The following ATP9B variants were observed in gnomAD, a reference collection of about 807,000 sequenced individuals.
ATP9B encodes the protein probable phospholipid-transporting ATPase IIB.
In ATP9B, 110 loss-of-function variants were observed where a neutral mutation model predicts 146.1. The ratio of observed to expected loss-of-function variants is 0.75; its 90% CI spans 0.65 to 0.88. The LOEUF (loss-of-function observed/expected upper bound fraction) is 0.88. Among genes scored for constraint, ATP9B ranks in the 40% least tolerant of loss-of-function variants. The probability of loss-of-function intolerance (pLI) is 0.00; values close to 1 mark genes in which losing one functional copy is unlikely to be tolerated. For synonymous variants in ATP9B, 604 were observed against 569.7 expected (o/e 1.06, Z -0.86); for missense variants, 1,499 against 1,496.4 (o/e 1.00, Z -0.03).
intron 8 of ATP9B, among the ~76,000 whole-genome samples, chr18:79,182,947 A>T (rs2095267006): frequency 6.6e-6 from 1 of 152,204 alleles, no homozygotes; most frequent in Admixed American, 6.5e-5. Flanking sequence ...CCTGATTCTA[A>T]TAGTAATGTG....
intron 5 of ATP9B, among the ~76,000 whole-genome samples, chr18:79,133,059 T>C (rs1454396891): frequency 6.6e-6 from 1 of 152,204 alleles, no homozygotes. Flanking sequence ...TGTTTTTGTT[T>C]TGTTTTGTTT....
At position 79,277,476 on chromosome 18, in the gene ATP9B, G is replaced by GT. The variant is rs201001834; in HGVS notation, c.1411+290dup. Among the ~76,000 whole-genome samples, 38 of 148,696 alleles carry GT rather than the reference G, an allele frequency of 2.6e-4. 1 individual carries two copies. In the East Asian group the frequency reaches 2.9e-3, roughly 12 times the overall value. Reference sequence around the variant, plus strand: ...GTTTTTAATTTTCTACAGTCTTACAGTTTTTTTTTTAAACTACCTTTGTAA... The same window carrying GT: ...GTTTTTAATTTTCTACAGTCTTACAGTTTTTTTTTTTAAACTACCTTTGTAA... On this transcript the variant is annotated intron_variant, in intron 13 of 29. Transcript: ENST00000426216.
intron 29 of ATP9B, chr18:79,376,068 C>G (rs2097100029): frequency 1.0e-6 from 1 of 984,936 alleles, no homozygotes; most frequent in Non-Finnish European, 1.2e-6. Context: ...GGGCCGGGCT[C>G]AGAGCCTCTA....
chr18:79,188,030 C>T (rs890209387), intron 8 of ATP9B, among the ~76,000 whole-genome samples: 10 of 151,850 alleles, frequency 6.6e-5, no homozygotes, highest in Admixed American at 3.9e-4. Flanking sequence ...AACATGAGGA[C>T]GCCCTTTAGC....
intron 13 of ATP9B, among the ~76,000 whole-genome samples, chr18:79,296,593 C>T (rs1269457126): frequency 6.6e-6 from 1 of 152,122 alleles, no homozygotes; most frequent in Non-Finnish European, 1.5e-5. Context: ...ATATTTCCAA[C>T]TTTGGATTCC....
intron 14 of ATP9B, among the ~76,000 whole-genome samples, chr18:79,305,801 C>T (rs2096617293): frequency 6.6e-6 from 1 of 152,204 alleles, no homozygotes; most frequent in Admixed American, 6.5e-5. Flanking sequence ...TGAAATTGAT[C>T]TGATTCTCTA....
intron 8 of ATP9B, among the ~76,000 whole-genome samples, chr18:79,180,367 T>C (rs560113700): frequency 2.6e-5 from 4 of 152,328 alleles, no homozygotes; most frequent in Admixed American, 2.6e-4. Flanking sequence ...TGTACGTTAG[T>C]TCTGTTTTGT....
At chr18:79,071,331 T>G (rs1450531595) in intron 1 of ATP9B, among the ~76,000 whole-genome samples, 2 of 151,110 alleles carry the variant, frequency 1.3e-5, no homozygotes, top group Non-Finnish European at 2.9e-5. Flanking sequence ...TTTATAAAAC[T>G]CATGATGATA....
intron 13 of ATP9B, among the ~76,000 whole-genome samples, chr18:79,298,784 C>T (rs114066325): frequency 0.017 from 2,520 of 146,250 alleles, 314 homozygotes; most frequent in African/African-American, 0.06. Flanking sequence ...GGGAACAGAA[C>T]ATCAGTATGA....
chr18:79,129,627 G>A (rs1437891543), intron 5 of ATP9B, among the ~76,000 whole-genome samples: 1 of 152,090 alleles, frequency 6.6e-6, no homozygotes, highest in Non-Finnish European at 1.5e-5. Flanking sequence ...TACAAAAATA[G>A]TGTAGAAAAA....
chr18:79,339,822 A>G (rs2147330457), intron 19 of ATP9B, among the ~76,000 whole-genome samples: 2 of 152,340 alleles, frequency 1.3e-5, no homozygotes, highest in Middle Eastern at 6.8e-3. Flanking sequence ...TCATGATCGC[A>G]GTAGGAAGTG....
chr18:79,168,838 G>A (rs902951812), intron 7 of ATP9B, among the ~76,000 whole-genome samples: 1 of 151,976 alleles, frequency 6.6e-6, no homozygotes, highest in Non-Finnish European at 1.5e-5. Flanking sequence ...TCTTTGGGAG[G>A]TATTTTCTCA....
At chr18:79,122,216 T>C (rs1568221697) in intron 4 of ATP9B, among the ~76,000 whole-genome samples, 1 of 152,218 alleles carries the variant, frequency 6.6e-6, no homozygotes, top group Non-Finnish European at 1.5e-5. Context: ...AAAATGTGCT[T>C]GGTAATCACT....
At chr18:79,284,793 C>T (rs1411916890) in intron 13 of ATP9B, among the ~76,000 whole-genome samples, 2 of 147,878 alleles carry the variant, frequency 1.4e-5, no homozygotes, top group Non-Finnish European at 3.0e-5. Context: ...ACAACAGTCC[C>T]CAGAGTGTGA....
chr18:79,118,960 A>G lies in ATP9B; in HGVS notation c.558+5606A>G, dbSNP rs927738097. ...GTGGTACATATCTTTAGTCCCAGCT[A>G]CTCAGGAAGCTGAGGTTGGAGGATT... On this transcript the variant is annotated intron_variant, in intron 4 of 29. Coordinates refer to ENST00000426216, the MANE Select transcript of ATP9B (RefSeq NM_198531.5). Among the ~76,000 whole-genome samples, 6 of 151,870 alleles carry G rather than the reference A, an allele frequency of 4.0e-5. 1 individual carries two copies. Among genetic ancestry groups the G allele is most frequent in the Non-Finnish European group, 8.8e-5 (6 of 67,964 alleles).
chr18:79,207,254 G>C (rs140379827), intron 10 of ATP9B, among the ~76,000 whole-genome samples: 8 of 152,182 alleles, frequency 5.3e-5, no homozygotes, highest in Admixed American at 2.6e-4. Context: ...TGCAGCCTTC[G>C]TGCAGGAGTA....
chr18:79,077,135 T>C (rs2072717110), intron 1 of ATP9B, among the ~76,000 whole-genome samples: 1 of 152,252 alleles, frequency 6.6e-6, no homozygotes, highest in African/African-American at 2.4e-5. Context: ...TGATTCTCTT[T>C]TCTCATTTGA....
intron 29 of ATP9B, 198 bp downstream of exon 29, chr18:79,375,624 G>A (rs1474059393): frequency 5.1e-6 from 5 of 985,368 alleles, no homozygotes; most frequent in Non-Finnish European, 6.0e-6. Flanking sequence ...CTGTTCAGGG[G>A]CTTGGTGGCC....
intron 8 of ATP9B, among the ~76,000 whole-genome samples, chr18:79,189,942 C>T (rs1051847262): frequency 2.0e-5 from 3 of 152,248 alleles, no homozygotes; most frequent in Non-Finnish European, 4.4e-5. Flanking sequence ...TGAGCGAGCA[C>T]TCGGAACTGT....
Sources: gnomAD v4.1 joint callset for allele counts (sites outside exome capture counted in the v4.1 genomes callset) on GRCh38, gnomAD v4.1.1 for gene constraint, MANE v1.5 for transcripts, NCBI Gene and HGNC (gene_info 2026-07-23, HGNC 2026-07-21) for gene names.